DSG4: variants seen among roughly 807,000 people sequenced by gnomAD.
DSG4 encodes the protein desmoglein 4, also known as desmoglein-4.
Under a neutral mutation model 93.1 loss-of-function variants are expected in DSG4, and 87 were observed. That is an observed-to-expected ratio of 0.93 (90% CI 0.79 to 1.12). The LOEUF (loss-of-function observed/expected upper bound fraction) is 1.12, where lower values mean the gene tolerates loss of function less well. Ranked by LOEUF, DSG4 falls within the 50% of genes most tolerant of loss-of-function variation. The pLI is 0.00. For missense variants in DSG4, 1,373 were observed against 1,285.7 expected, an observed-to-expected ratio of 1.07 and a Z score of -1.04; for synonymous variants, 432 against 452.9, an observed-to-expected ratio of 0.95 and a Z score of 0.59.
intron 8 of DSG4, among the ~76,000 whole-genome samples, chr18:31,396,354 CTTTTTTTT>C (rs71383035): frequency 4.1e-5 from 3 of 74,008 alleles, no homozygotes; most frequent in Admixed American, 2.9e-4. Flanking sequence ...AGGGTCATTG[CTTTTTTTT>C]TTTTTTTTTT....
intron 8 of DSG4, among the ~76,000 whole-genome samples, chr18:31,393,361 G>A (rs1489574694): frequency 1.3e-5 from 2 of 152,140 alleles, no homozygotes; most frequent in African/African-American, 4.8e-5. Flanking sequence ...AAAGAAAAGA[G>A]GTTCAGTTGA....
At position 31,412,824 on chromosome 18, in the gene DSG4, T is replaced by G. The variant is rs1568074830; in HGVS notation, c.2356-4T>G. The G allele has an allele frequency of 6.2e-7, 1 of 1,614,002 alleles. No individual in the cohort carries two copies. The highest frequency in any genetic ancestry group is 1.3e-5 in the African/African-American group (1 of 74,938). ...TCTAATTCTGTATTTCCTTTTAATT[T>G]TAGAAAGCGTATGCTTATGCAGATG... On this transcript the variant is annotated splice_region_variant and splice_polypyrimidine_tract_variant and intron_variant, in intron 15 of 15. Coordinates refer to ENST00000308128, the MANE Select transcript of DSG4 (RefSeq NM_177986.5).
intron 6 of DSG4, 78 bp downstream of exon 6, chr18:31,390,900 C>T (rs546690969): frequency 1.3e-6 from 2 of 1,547,592 alleles, no homozygotes; most frequent in African/African-American, 1.4e-5. Context: ...CATGTGTACC[C>T]TTACTCCAAT....
intron 1 of DSG4, among the ~76,000 whole-genome samples, chr18:31,378,216 G>C (rs554912127): frequency 2.0e-5 from 3 of 152,090 alleles, no homozygotes; most frequent in African/African-American, 7.2e-5. Flanking sequence ...ATAAGACGAA[G>C]GGCAATATTC....
rs1219454031 is a variant in DSG4 at position 31,414,391 on chromosome 18, A to C, written c.*796A>C. 1 of 152,178 alleles carries C rather than the reference A, an allele frequency of 6.6e-6. No individual in the cohort carries two copies. Among genetic ancestry groups the C allele is most frequent in the African/African-American group, 2.4e-5 (1 of 41,438 alleles). The allele number at this position is 152,178 out of a possible 1,614,324, so 9.4% of individuals were successfully genotyped here. On this transcript the variant is annotated 3_prime_UTR_variant, in exon 16 of 16. Transcript: ENST00000308128. ...CCCTACTGTTGCCAATTATGTCAGA[A>C]AAATACATGAAATATGGCTTAACCA...
chr18:31,395,987 A>G (rs2072300940), intron 8 of DSG4, among the ~76,000 whole-genome samples: 1 of 152,152 alleles, frequency 6.6e-6, no homozygotes, highest in Non-Finnish European at 1.5e-5. Context: ...GGCAAATAAG[A>G]TATGGTCCCT....
chr18:31,385,037 A>G, intron 1 of DSG4, 99 bp from the exon 2 acceptor site: 1 of 1,062,618 alleles, frequency 9.4e-7, no homozygotes. Context: ...ATGTATATTT[A>G]AAAATGAATT....
At chr18:31,380,924 C>A (rs2072127016) in intron 1 of DSG4, among the ~76,000 whole-genome samples, 1 of 152,090 alleles carries the variant, frequency 6.6e-6, no homozygotes, top group Admixed American at 6.6e-5. Context: ...ATCATGTTCT[C>A]TCTAGAAGTA....
intron 1 of DSG4, among the ~76,000 whole-genome samples, chr18:31,378,070 G>T (rs1475311485): frequency 6.6e-6 from 1 of 152,158 alleles, no homozygotes; most frequent in Non-Finnish European, 1.5e-5. Context: ...TGCGGGAGCC[G>T]AACACTGCCA....
Position 31,390,834 on chromosome 18 carries a change from T to G in DSG4, c.684+12T>G. 1 of 1,612,558 alleles carries G rather than the reference T, an allele frequency of 6.2e-7. No individual in the cohort carries two copies. The highest frequency in any genetic ancestry group is 8.5e-7 in the Non-Finnish European group (1 of 1,179,178). ...TCTTGGACAGAGAGGTAAAGCCTTC[T>G]GTGAATGAACAAGAACTAAAAAATT... is the stretch of plus-strand genomic sequence containing the variant. On this transcript the variant is annotated intron_variant, in intron 6 of 15. Coordinates refer to ENST00000308128, the MANE Select transcript of DSG4 (RefSeq NM_177986.5).
Position 31,409,447 on chromosome 18 carries a change from G to A in DSG4, c.1934-5G>A. ...TTAACTCGACATTGTCACTTTCTTG[G>A]GCAGTGGCTCCACTCTTGCTGCTCC... On this transcript the variant is annotated splice_region_variant and splice_polypyrimidine_tract_variant and intron_variant, in intron 12 of 15. Coordinates refer to ENST00000308128, the MANE Select transcript of DSG4 (RefSeq NM_177986.5). 1 of 1,614,056 alleles carries A rather than the reference G, an allele frequency of 6.2e-7. No homozygotes were observed. Among genetic ancestry groups the A allele is most frequent in the South Asian group, 1.1e-5 (1 of 91,012 alleles).
intron 12 of DSG4, among the ~76,000 whole-genome samples, chr18:31,408,048 T>A (rs1463880622): frequency 6.6e-6 from 1 of 152,182 alleles, no homozygotes; most frequent in Non-Finnish European, 1.5e-5. Context: ...ATGAGAGTTG[T>A]TCAACTGATG....
Position 31,413,686 on chromosome 18 carries a change from A to T in DSG4, c.*91A>T. On this transcript the variant is annotated 3_prime_UTR_variant, in exon 16 of 16. Coordinates refer to ENST00000308128, the MANE Select transcript of DSG4 (RefSeq NM_177986.5). Reference sequence around the variant, plus strand: ...AATATATAATGTACCATATATATTAATAGTCAACAAATACTCAGATATTCT... The same window carrying T: ...AATATATAATGTACCATATATATTATTAGTCAACAAATACTCAGATATTCT... 2 of 1,454,970 alleles carry T rather than the reference A, an allele frequency of 1.4e-6. No homozygotes were observed. Among genetic ancestry groups the T allele is most frequent in the Non-Finnish European group, 1.9e-6 (2 of 1,055,990 alleles). 90.1% of individuals were successfully genotyped at this position (1,454,970 alleles called of 1,614,324 possible).
intron 1 of DSG4, among the ~76,000 whole-genome samples, chr18:31,383,204 G>A (rs191708895): frequency 1.9e-3 from 295 of 152,290 alleles, no homozygotes; most frequent in African/African-American, 6.2e-3. Flanking sequence ...TTGGATCAGA[G>A]TCTGAAACAG....
intron 8 of DSG4, among the ~76,000 whole-genome samples, chr18:31,392,709 T>A (rs2072263005): frequency 3.3e-5 from 5 of 152,124 alleles, no homozygotes. Context: ...ATGAAAGAGA[T>A]AAGAAATGGT....
Position 31,388,535 on chromosome 18 carries a change from C to A in DSG4, c.372+13C>A. On this transcript the variant is annotated intron_variant, in intron 4 of 15. Transcript: ENST00000308128. ...TCCACTTTTCTTGGTAAGTCATAGC[C>A]ATATGTTTTGATTTGTTCATATTAG... 1 of 1,612,894 alleles carries A rather than the reference C, an allele frequency of 6.2e-7. No homozygotes were observed. The highest frequency in any genetic ancestry group is 2.2e-5 in the East Asian group (1 of 44,834).
chr18:31,396,919 C>T (rs10775448), intron 8 of DSG4, among the ~76,000 whole-genome samples: 104,685 of 151,940 alleles, frequency 0.69, 37,383 homozygotes, highest in East Asian at 0.9. Flanking sequence ...CCCTGCTTCT[C>T]TCTTCCAGAC....
Position 31,385,148 on chromosome 18 carries a change from G to A in DSG4, c.61G>A (p.Val21Ile). The change falls in exon 2 of 16, where the codon GTA becomes ATA. Residue 21 changes from valine (V) to isoleucine (I), a missense_variant. Transcript: ENST00000308128. ...LLIILMVVME[V>I]NSEFIVEVKE... ...TCTATCAAAACAGGTGGTGATGGAA[G>A]TAAACAGTGAATTTATTGTTGAGGT... 1 of 1,599,216 alleles carries A rather than the reference G, an allele frequency of 6.3e-7. No homozygotes were observed. The highest frequency in any genetic ancestry group is 8.5e-7 in the Non-Finnish European group (1 of 1,170,698).
chr18:31,396,271 T>C (rs2072303956), intron 8 of DSG4, among the ~76,000 whole-genome samples: 1 of 151,914 alleles, frequency 6.6e-6, no homozygotes, highest in Non-Finnish European at 1.5e-5. Context: ...ACACCAACTA[T>C]TCTGTTATAA....
Sources: gnomAD v4.1 joint callset for allele counts (sites outside exome capture counted in the v4.1 genomes callset) on GRCh38, gnomAD v4.1.1 for gene constraint, MANE v1.5 for transcripts, NCBI Gene and HGNC (gene_info 2026-07-23, HGNC 2026-07-21) for gene names.